The following SOX6 variants were observed in gnomAD, a reference collection of about 807,000 sequenced individuals.
SOX6 encodes transcription factor SOX-6.
Under a neutral mutation model 97.8 loss-of-function variants are expected in SOX6, and 11 were observed. That is an observed-to-expected ratio of 0.11 (90% CI 0.07 to 0.19). The LOEUF (loss-of-function observed/expected upper bound fraction) is 0.19, where lower values mean the gene tolerates loss of function less well. Ranked by LOEUF, SOX6 falls within the 10% of genes least tolerant of loss-of-function variation. The pLI is 1.00. For missense variants in SOX6, 810 were observed against 1,039.5 expected (o/e 0.78, Z 3.04); for synonymous variants, 360 against 371.4 (o/e 0.97, Z 0.35).
intron 3 of SOX6, among the ~76,000 whole-genome samples, chr11:16,274,871 CTTA>C (rs1198173962): frequency 6.6e-6 from 1 of 152,078 alleles, no homozygotes; most frequent in Non-Finnish European, 1.5e-5. Context: ...AAATTCTCAC[CTTA>C]TTATTATGTC....
At chr11:16,419,854 T>C (rs546043947) in intron 1 of SOX6, among the ~76,000 whole-genome samples, 1 of 152,216 alleles carries the variant, frequency 6.6e-6, no homozygotes, top group Non-Finnish European at 1.5e-5. Context: ...ACCTCATAAG[T>C]GGTTTTCCAC....
chr11:16,423,761 A>G (rs939462953), intron 1 of SOX6, among the ~76,000 whole-genome samples: 1 of 152,210 alleles, frequency 6.6e-6, no homozygotes, highest in African/African-American at 2.4e-5. Flanking sequence ...GGAAAAGTAG[A>G]CATGAGATCC....
In SOX6 at chr11:16,583,614, C is replaced by CATATATATATATATATATATATACATAT. The variant is rs1848055383; in HGVS notation, n.609+28466_609+28467insATATGTATATATATATATATATATATAT. ...ATATGTATATATGTGTATATATATA[C>CATATATATATATATATATATATACATAT]ATATATATATATATATATATATACA... is the stretch of plus-strand genomic sequence containing the variant. On this transcript the variant is annotated intron_variant and non_coding_transcript_variant, in intron 4 of 5. Transcript: ENST00000524520. Among the ~76,000 whole-genome samples the CATATATATATATATATATATATACATAT allele has an allele frequency of 8.6e-5, 9 of 104,698 alleles. No homozygotes were observed. In the South Asian group the frequency reaches 1.5e-3, roughly 17 times the overall value. The allele number at this position is 104,698 out of a possible 152,430, so 68.7% of individuals were successfully genotyped here. A position where few individuals can be genotyped will look rare whatever the true frequency, so the allele number is the denominator to read the frequency against.
intron 6 of SOX6, among the ~76,000 whole-genome samples, chr11:16,133,325 A>T (rs1364413069): frequency 6.6e-6 from 1 of 152,176 alleles, no homozygotes; most frequent in East Asian, 1.9e-4. Context: ...CCACTGCTAC[A>T]GTTGCTTTTC....
intron 2 of SOX6, among the ~76,000 whole-genome samples, chr11:16,333,981 C>T (rs754532342): frequency 2.0e-5 from 3 of 152,072 alleles, no homozygotes; most frequent in African/African-American, 4.8e-5. Flanking sequence ...ATTAGGAGAA[C>T]GTTGGCTGAC....
chr11:16,181,779 A>AT (rs1218908401), intron 6 of SOX6, among the ~76,000 whole-genome samples: 2 of 151,668 alleles, frequency 1.3e-5, no homozygotes, highest in East Asian at 3.9e-4. Flanking sequence ...GCTTTCTCTT[A>AT]TTTTTTAAAA....
chr11:16,518,707 T>C (rs996597760), intron 4 of SOX6, among the ~76,000 whole-genome samples: 2 of 152,168 alleles, frequency 1.3e-5, no homozygotes, highest in African/African-American at 2.4e-5. Flanking sequence ...AAGGAAATAT[T>C]TGCTGTGCTG....
intron 4 of SOX6, among the ~76,000 whole-genome samples, chr11:16,504,515 A>C (rs999534920): frequency 3.3e-5 from 5 of 152,190 alleles, no homozygotes; most frequent in Non-Finnish European, 5.9e-5. Flanking sequence ...ACTTCGAAAT[A>C]AATTTAATCA....
intron 6 of SOX6, among the ~76,000 whole-genome samples, chr11:16,123,830 G>A (rs1849548883): frequency 6.6e-6 from 1 of 151,962 alleles, no homozygotes; most frequent in Admixed American, 6.6e-5. Context: ...AAATAACTTA[G>A]ATACAAAAAA....
At chr11:16,243,963 G>C (rs1853265746) in intron 3 of SOX6, among the ~76,000 whole-genome samples, 1 of 151,876 alleles carries the variant, frequency 6.6e-6, no homozygotes, top group South Asian at 2.1e-4. Flanking sequence ...AGATGTATTA[G>C]AAATAAAACT....
chr11:16,027,818 C>T (rs1855254202), intron 12 of SOX6, among the ~76,000 whole-genome samples: 1 of 152,190 alleles, frequency 6.6e-6, no homozygotes, highest in South Asian at 2.1e-4. Flanking sequence ...TAGAAGAGAA[C>T]TGAAAATGGC....
intron 10 of SOX6, 61 bp downstream of exon 10, chr11:16,055,691 A>G: frequency 6.2e-7 from 1 of 1,606,944 alleles, no homozygotes; most frequent in Non-Finnish European, 8.5e-7. Context: ...AGCCTGCTTC[A>G]CTATCTTTCT....
chr11:16,534,166 A>G (rs1021978114), intron 4 of SOX6, among the ~76,000 whole-genome samples: 14 of 152,266 alleles, frequency 9.2e-5, no homozygotes, highest in Admixed American at 2.0e-4. Flanking sequence ...ATTCTTATTC[A>G]TCTCTTAATC....
chr11:16,679,895 A>C (rs1299135012), intron 3 of SOX6, among the ~76,000 whole-genome samples: 1 of 152,230 alleles, frequency 6.6e-6, no homozygotes, highest in Non-Finnish European at 1.5e-5. Flanking sequence ...TAAAGCATGA[A>C]GACAAGATTA....
intron 1 of SOX6, among the ~76,000 whole-genome samples, chr11:16,459,290 T>C (rs1258803368): frequency 1.3e-5 from 2 of 152,024 alleles, no homozygotes; most frequent in Non-Finnish European, 2.9e-5. Flanking sequence ...ACTGAAAGCA[T>C]GACAGAGCAT....
At chr11:16,384,602 A>AG (rs1227241042) in intron 1 of SOX6, among the ~76,000 whole-genome samples, 1 of 151,816 alleles carries the variant, frequency 6.6e-6, no homozygotes. Context: ...GTAAAAAAAA[A>AG]TGTTTAAACA....
chr11:16,670,729 G>A (rs987024261), intron 3 of SOX6, among the ~76,000 whole-genome samples: 3 of 152,156 alleles, frequency 2.0e-5, no homozygotes, highest in African/African-American at 7.2e-5. Context: ...GCCCTCCGAA[G>A]ACAAACAAAA....
intron 13 of SOX6, among the ~76,000 whole-genome samples, chr11:16,005,832 C>T (rs1487106967): frequency 1.3e-5 from 2 of 151,992 alleles, no homozygotes; most frequent in South Asian, 2.1e-4. Context: ...ATGCCATAGC[C>T]TATTCCCAAA....
intron 4 of SOX6, among the ~76,000 whole-genome samples, chr11:16,518,635 A>C (rs1345534630): frequency 6.6e-6 from 1 of 152,176 alleles, no homozygotes; most frequent in Non-Finnish European, 1.5e-5. Flanking sequence ...TTACGCAAAC[A>C]AACTTTATCC....
Sources: gnomAD v4.1 joint callset for allele counts (sites outside exome capture counted in the v4.1 genomes callset) on GRCh38, gnomAD v4.1.1 for gene constraint, MANE v1.5 for transcripts, NCBI Gene and HGNC (gene_info 2026-07-23, HGNC 2026-07-21) for gene names.